CDH16: variants seen among roughly 807,000 people sequenced by gnomAD.
CDH16 encodes the protein cadherin 16, also known as cadherin-16.
In CDH16, 79 loss-of-function variants were observed where a neutral mutation model predicts 87.6. The ratio of observed to expected loss-of-function variants is 0.90; its 90% confidence interval spans 0.75 to 1.09. The LOEUF (loss-of-function observed/expected upper bound fraction) is 1.09. Ranked by LOEUF, CDH16 falls within the 50% of genes least tolerant of loss-of-function variation. CDH16 has a pLI of 0.00. For synonymous variants in CDH16, 457 were observed against 439.5 expected, an observed-to-expected ratio of 1.04 and a Z score of -0.50; for missense variants, 1,124 against 1,071.7, an observed-to-expected ratio of 1.05 and a Z score of -0.68.
At chr16:66,914,552 T>A (rs1962591030) in intron 6 of CDH16, 140 bp from the exon 7 acceptor site, 1 of 641,260 alleles carries the variant, frequency 1.6e-6, no homozygotes, top group Non-Finnish European at 2.7e-6. Context: ...AGAGAGGAAC[T>A]TTAAGCACTG....
intron 7 of CDH16, 89 bp from the exon 8 acceptor site, chr16:66,913,702 A>G (rs988217610): frequency 6.5e-7 from 1 of 1,538,476 alleles, no homozygotes; most frequent in Non-Finnish European, 8.8e-7. Flanking sequence ...GCCTGAGCCC[A>G]ACTGTGTGAC....
At position 66,912,557 on chromosome 16, in the gene CDH16, C is replaced by T. The variant is rs1165275272; in HGVS notation, c.1306G>A (p.Glu436Lys). The T allele has an allele frequency of 2.5e-5, 41 of 1,614,056 alleles. No homozygotes were observed. Among genetic ancestry groups the T allele is most frequent in the Non-Finnish European group, 3.1e-5 (36 of 1,180,038 alleles). The change falls in exon 11 of 18, where the codon GAA becomes AAA. Residue 436 changes from glutamate (E) to lysine (K), a missense_variant. Glu to Lys is a moderately conservative substitution (Grantham distance 56). Transcript: ENST00000299752. ...TCATTGATATCTGTGACTGCGACTT[C>T]GACTTCACACGTGCTGCTGAAGCCT... is the stretch of plus-strand genomic sequence containing the variant. ...EGGFSSTCEV[E>K]VAVTDINDHA...
chr16:66,908,350 G>A lies in CDH16; in HGVS notation c.*42C>T. Reference sequence around the variant, plus strand: ...GGGCTCTCTCCCAGGGGACTCAGATGGAGCCAGAGGCCAAGCTCCCAGCTA... The same window carrying A: ...GGGCTCTCTCCCAGGGGACTCAGATAGAGCCAGAGGCCAAGCTCCCAGCTA... On this transcript the variant is annotated 3_prime_UTR_variant, in exon 18 of 18. Transcript: ENST00000299752. The A allele has an allele frequency of 1.3e-6, 2 of 1,522,690 alleles. No homozygotes were observed. Among genetic ancestry groups the A allele is most frequent in the Non-Finnish European group, 1.8e-6 (2 of 1,099,194 alleles). The allele number at this position is 1,522,690 out of a possible 1,614,324, so 94.3% of individuals were successfully genotyped here. A position where few individuals can be genotyped will look rare whatever the true frequency, so the allele number is the denominator to read the frequency against.
Position 66,912,281 on chromosome 16 carries a change from C to G in CDH16, c.1509G>C (p.Trp503Cys), listed in dbSNP as rs1962458765. ...GDTEGTFGLD[W>C]EPDSGHVRLR... ...GTCTAACATGCCCAGAGTCTGGCTC[C>G]CAATCCAGGCCAAAAGTCCCTTCTG... The change falls in exon 12 of 18, where the codon TGG becomes TGC. Residue 503 changes from tryptophan to cysteine, a missense_variant. Coordinates refer to ENST00000299752, the MANE Select transcript of CDH16 (RefSeq NM_004062.4). 2 of 1,613,482 alleles carry G rather than the reference C, an allele frequency of 1.2e-6. No homozygotes were observed. Among genetic ancestry groups the G allele is most frequent in the African/African-American group, 1.3e-5 (1 of 74,924 alleles).
chr16:66,912,918 G>A, intron 9 of CDH16, 27 bp from the exon 10 acceptor site: 2 of 1,591,872 alleles, frequency 1.3e-6, no homozygotes, highest in South Asian at 2.2e-5. Context: ...CGCCTGGATA[G>A]GACCACAGCC....
rs1962358828 is a variant in CDH16, at chr16:66,910,412, G to A, written c.2015C>T (p.Ser672Phe). Residue 672 changes from serine (S) to phenylalanine (F), a missense_variant, in exon 15 of 18, where the codon TCC (serine) becomes TTC (phenylalanine). Ser to Phe is a radical substitution (Grantham distance 155). Transcript: ENST00000299752. ...APALTLAPVP[S>F]QYLCTPRQDH... ...TTGGCGGGGTGTGCAGAGGTATTGG[G>A]AGGGCACAGGGGCAAGAGTCAGGGC... The A allele has an allele frequency of 1.2e-6, 2 of 1,609,680 alleles. No homozygotes were observed. The highest frequency in any genetic ancestry group is 1.3e-5 in the African/African-American group (1 of 74,826).
At chr16:66,910,148 G>A in intron 15 of CDH16, 55 bp from the exon 16 acceptor site, 1 of 1,570,216 alleles carries the variant, frequency 6.4e-7, no homozygotes, top group African/African-American at 1.3e-5. Flanking sequence ...GCCCTCTGGG[G>A]GCTGCTCCCC....
chr16:66,915,396 G>C lies in CDH16; in HGVS notation c.425-18C>G, dbSNP rs765658625. ...GGGGATGCCTGGTTCACGGTGGGAG[G>C]GCAAACTGTAAGGGATAGAGAGGGT... On this transcript the variant is annotated intron_variant, in intron 5 of 17. Transcript: ENST00000299752. 1 of 1,612,284 alleles carries C rather than the reference G, an allele frequency of 6.2e-7. No individual in the cohort carries two copies. The highest frequency in any genetic ancestry group is 1.7e-5 in the Admixed American group (1 of 59,830).
intron 1 of CDH16, 64 bp from the exon 2 acceptor site, chr16:66,918,142 C>T (rs1962771658): frequency 1.0e-5 from 12 of 1,149,630 alleles, no homozygotes; most frequent in South Asian, 6.2e-5. Context: ...ATCCCACACA[C>T]ACAACTAGTG....
In CDH16 at chr16:66,916,128, C is replaced by A; in HGVS notation, c.361G>T (p.Asp121Tyr). The change falls in exon 5 of 18, where the codon GAC becomes TAC. Residue 121 changes from aspartate (D) to tyrosine (Y), a missense_variant. Physicochemically the swap from Asp to Tyr is radical, Grantham distance 160. Coordinates refer to ENST00000299752, the MANE Select transcript of CDH16 (RefSeq NM_004062.4). The surrounding 1 kb of genome is among the most constrained non-coding windows in gnomAD (Gnocchi z 4.1). The part of the protein sequence containing the change: ...PVLVHVKDEN[D>Y]QVPHFSQAIY... The stretch of plus-strand genomic sequence containing the variant: ...GCTTGAGAGAAATGGGGCACCTGGT[C>A]ATTCTCATCCTTCACGTGCACAAGC... 1 of 1,614,234 alleles carries A rather than the reference C, an allele frequency of 6.2e-7. No individual in the cohort carries two copies. Among genetic ancestry groups the A allele is most frequent in the Non-Finnish European group, 8.5e-7 (1 of 1,180,054 alleles).
chr16:66,914,470 C>A (rs952888960), intron 6 of CDH16, 58 bp from the exon 7 acceptor site: 3 of 1,295,618 alleles, frequency 2.3e-6, no homozygotes, highest in African/African-American at 2.9e-5. Flanking sequence ...GCCAGGGCAT[C>A]ATTCTCAGCA....
At chr16:66,908,569 G>C in intron 17 of CDH16, 80 bp from the exon 18 acceptor site, 1 of 1,099,152 alleles carries the variant, frequency 9.1e-7, no homozygotes, top group Non-Finnish European at 1.4e-6. Flanking sequence ...CCTGTGATTG[G>C]CATTGGATTA....
At position 66,915,217 on chromosome 16, in the gene CDH16, T is replaced by G. The variant is rs1198522958; in HGVS notation, c.583+3A>C. On this transcript the variant is annotated splice_donor_region_variant and intron_variant, in intron 6 of 17. Transcript: ENST00000299752. ...CTCCCCAGCACACCCCGCTCGGGCT[T>G]ACCCTTGGGGCTGAGGGCCAGAGCC... The G allele has an allele frequency of 1.2e-6, 2 of 1,607,430 alleles. No individual in the cohort carries two copies. Among genetic ancestry groups the G allele is most frequent in the Non-Finnish European group, 1.7e-6 (2 of 1,177,832 alleles).
In CDH16 at chr16:66,912,884, T is replaced by C. The variant is rs748630822; in HGVS notation, c.1062A>G (p.Glu354=). 1.1e-5 allele frequency: 18 copies of C among 1,609,972 alleles called. No homozygotes were observed. The East Asian group carries it at 3.6e-4, about 32-fold the overall frequency. ...SIPELSPPGT[E]VTRLSAEDAD... is the part of the protein sequence containing the mutation. ...CATCCTCTGCTGACAGTCTAGTCAC[T>C]TCAGTACCTGCCAAGACAGCACCCG... The change falls in exon 10 of 18, where the codon GAA becomes GAG. Residue 354 remains glutamate (E), a synonymous_variant. Coordinates refer to ENST00000299752, the MANE Select transcript of CDH16 (RefSeq NM_004062.4).
Position 66,913,251 on chromosome 16 carries a change from GGGAATTCTGAGCCCGCACCT to G in CDH16, c.914_933del (p.Gln305ProfsTer18). Reference sequence around the variant, plus strand: ...AGAGGGGCCGCATAGTCCTCGCCATGGGAATTCTGAGCCCGCACCTGGAGCAGGTACTGCGGTGGGCAGTA... The same window carrying G: ...AGAGGGGCCGCATAGTCCTCGCCATGGGAGCAGGTACTGCGGTGGGCAGTA... On this transcript the variant is annotated frameshift_variant, in exon 9 of 18. Transcript: ENST00000299752. LOFTEE classifies it high-confidence loss of function. 1.3e-6 allele frequency: 2 copies of G among 1,562,446 alleles called. No homozygotes were observed. Among genetic ancestry groups the G allele is most frequent in the Non-Finnish European group, 1.7e-6 (2 of 1,153,214 alleles).
At chr16:66,908,623 G>T (rs2053975834) in intron 17 of CDH16, 134 bp from the exon 18 acceptor site, 4 of 739,628 alleles carry the variant, frequency 5.4e-6, no homozygotes, top group South Asian at 1.6e-5. Context: ...GGCTGGGCTG[G>T]GTATGACTCT....
intron 9 of CDH16, 23 bp from the exon 10 acceptor site, chr16:66,912,914 G>GATAGGACCAC: frequency 6.3e-7 from 1 of 1,596,848 alleles, no homozygotes; most frequent in Non-Finnish European, 8.5e-7. Flanking sequence ...CACCCGCCTG[G>GATAGGACCAC]ATAGGACCAC....
At position 66,911,245 on chromosome 16, in the gene CDH16, G is replaced by T; in HGVS notation, c.1861C>A (p.Gln621Lys). ...EKFSGEVHTA[Q>K]SLQGAQPGDT... Reference sequence around the variant, plus strand: ...CCAGGCTGGGCGCCCTGCAGGGACTGGGCGGTGTGCACCTCCCCGGAGAAT... The same window carrying T: ...CCAGGCTGGGCGCCCTGCAGGGACTTGGCGGTGTGCACCTCCCCGGAGAAT... The change falls in exon 14 of 18, where the codon CAG (glutamine) becomes AAG (lysine). Residue 621 changes from glutamine to lysine, a missense_variant. Coordinates refer to ENST00000299752, the MANE Select transcript of CDH16 (RefSeq NM_004062.4). 1 of 1,613,688 alleles carries T rather than the reference G, an allele frequency of 6.2e-7. No individual in the cohort carries two copies. Among genetic ancestry groups the T allele is most frequent in the East Asian group, 2.2e-5 (1 of 44,866 alleles).
In CDH16 at chr16:66,913,176, G is replaced by C; in HGVS notation, c.1009C>G (p.Pro337Ala). The change falls in exon 9 of 18, where the codon CCT becomes GCT. Residue 337 changes from proline (P) to alanine (A), a missense_variant. Transcript: ENST00000299752. ...ATGCTGACTGTGGGGTCACGGGGAG[G>C]GCAGATAGGCACGTTGTCATTCTCA... Reference protein sequence around the residue: ...MDENDNVPICPPRDPTVSIPE... With the variant: ...MDENDNVPICAPRDPTVSIPE... 1 of 1,608,802 alleles carries C rather than the reference G, an allele frequency of 6.2e-7. No individual in the cohort carries two copies. The highest frequency in any genetic ancestry group is 1.1e-5 in the South Asian group (1 of 90,216).
Sources: gnomAD v4.1 joint callset for allele counts on GRCh38, gnomAD v4.1.1 for gene constraint, Gnocchi (gnomAD v3.1) non-coding constraint, MANE v1.5 for transcripts, NCBI Gene and HGNC (gene_info 2026-07-23, HGNC 2026-07-21) for gene names.